The following SOS1 variants were observed in gnomAD, a reference collection of about 807,000 sequenced individuals.
SOS1 encodes the protein SOS Ras/Rac guanine nucleotide exchange factor 1.
In SOS1, 25 loss-of-function variants were observed where a neutral mutation model predicts 157.6. The observed-to-expected ratio is 0.16, with a 90% confidence interval of 0.12 to 0.22. The LOEUF is 0.22. Ranked by LOEUF, SOS1 falls within the 10% of genes least tolerant of loss-of-function variation. The pLI is 1.00. For synonymous variants in SOS1, 528 were observed against 534.0 expected, an observed-to-expected ratio of 0.99 and a Z score of 0.16; for missense variants, 1,237 against 1,599.1, an observed-to-expected ratio of 0.77 and a Z score of 3.86.
intron 8 of SOS1, among the ~76,000 whole-genome samples, chr2:39,027,827 A>AT (rs1335008976): frequency 6.6e-6 from 1 of 150,802 alleles, no homozygotes; most frequent in African/African-American, 2.4e-5. Flanking sequence ...GAATCATATT[A>AT]TTATTTTTTT....
chr2:39,115,033 C>T (rs1029123104), intron 1 of SOS1, among the ~76,000 whole-genome samples: 1 of 152,148 alleles, frequency 6.6e-6, no homozygotes, highest in Non-Finnish European at 1.5e-5. Context: ...ATTTCCCACT[C>T]CCTTCCCCCA....
At position 39,120,619 on chromosome 2, in the gene SOS1, A is replaced by G; in HGVS notation, c.-197T>C. 2.4e-6 allele frequency: 1 copy of G among 415,482 alleles called. No homozygotes were observed. The highest frequency in any genetic ancestry group is 3.2e-6 in the Non-Finnish European group (1 of 311,634). 25.7% of individuals were successfully genotyped at this position (415,482 alleles called of 1,614,324 possible). A position where few individuals can be genotyped will look rare whatever the true frequency, so the allele number is the denominator to read the frequency against. ...GCCCGCGCCTGGCCACCCACCCGAC[A>G]CAGGTACCAGCCGTGGAGAACGGAC... On this transcript the variant is annotated 5_prime_UTR_variant, in exon 1 of 23. Coordinates refer to ENST00000402219, the MANE Select transcript of SOS1 (RefSeq NM_005633.4).
At chr2:39,028,608 T>C (rs1670051827) in intron 8 of SOS1, among the ~76,000 whole-genome samples, 1 of 152,214 alleles carries the variant, frequency 6.6e-6, no homozygotes, top group African/African-American at 2.4e-5. Context: ...TTCAGTCCCG[T>C]GACTTTTCAC....
chr2:38,990,806 T>C (rs1347331746), intron 20 of SOS1, among the ~76,000 whole-genome samples: 2 of 152,194 alleles, frequency 1.3e-5, no homozygotes, highest in Admixed American at 1.3e-4. Flanking sequence ...TTTGGTAAAT[T>C]TGGGGCACTA....
intron 1 of SOS1, among the ~76,000 whole-genome samples, chr2:39,088,445 T>C (rs388958): frequency 0.79 from 120,188 of 151,374 alleles, 50,087 homozygotes; most frequent in Non-Finnish European, 0.92. Flanking sequence ...TTCATCATCT[T>C]GGCCTGGAAC....
chr2:39,043,823 C>G (rs1470798858), intron 6 of SOS1, among the ~76,000 whole-genome samples: 1 of 152,164 alleles, frequency 6.6e-6, no homozygotes, highest in Non-Finnish European at 1.5e-5. Flanking sequence ...TCCACAGGCC[C>G]CACCTCCAAT....
At chr2:38,988,046 A>G (rs1668606281) in intron 21 of SOS1, among the ~76,000 whole-genome samples, 2 of 151,714 alleles carry the variant, frequency 1.3e-5, no homozygotes, top group African/African-American at 2.4e-5. Context: ...GCTCTTAACC[A>G]CTCTCTCCAA....
intron 20 of SOS1, among the ~76,000 whole-genome samples, chr2:38,990,661 G>C (rs1668704491): frequency 6.6e-6 from 1 of 152,082 alleles, no homozygotes; most frequent in Non-Finnish European, 1.5e-5. Flanking sequence ...ACAGGAATAG[G>C]AGTAAAATCA....
At chr2:39,009,267 T>A (rs867387837) in intron 15 of SOS1, among the ~76,000 whole-genome samples, 21 of 151,544 alleles carry the variant, frequency 1.4e-4, no homozygotes, top group East Asian at 1.4e-3. Context: ...AAAAAAAAAA[T>A]ATTAACTTGA....
At chr2:39,095,269 A>G (rs754347625) in intron 1 of SOS1, among the ~76,000 whole-genome samples, 3 of 152,244 alleles carry the variant, frequency 2.0e-5, no homozygotes, top group Non-Finnish European at 2.9e-5. Flanking sequence ...AAAACTGTTT[A>G]TATCTCAGAG....
intron 1 of SOS1, among the ~76,000 whole-genome samples, chr2:39,084,415 G>C (rs1300969973): frequency 6.6e-6 from 1 of 151,808 alleles, no homozygotes; most frequent in Non-Finnish European, 1.5e-5. Flanking sequence ...ATTTATACAC[G>C]AGCAGGACAG....
chr2:39,025,648 C>A (rs1669935644), intron 8 of SOS1, among the ~76,000 whole-genome samples: 1 of 152,156 alleles, frequency 6.6e-6, no homozygotes, highest in Non-Finnish European at 1.5e-5. Context: ...GCGTAAGCCA[C>A]CATGCCTGGC....
chr2:39,095,479 G>A (rs1672739467), intron 1 of SOS1, among the ~76,000 whole-genome samples: 1 of 152,190 alleles, frequency 6.6e-6, no homozygotes, highest in Non-Finnish European at 1.5e-5. Context: ...GTTATCAAGA[G>A]AACTAACAGC....
chr2:39,045,715 T>C (rs886552669), intron 6 of SOS1, among the ~76,000 whole-genome samples: 2 of 152,214 alleles, frequency 1.3e-5, no homozygotes, highest in Non-Finnish European at 2.9e-5. Flanking sequence ...TTTTATTTAT[T>C]ATTCATTTTT....
rs767945114 is a variant in SOS1, at chr2:39,054,671, T to C, written c.663A>G (p.Leu221=). The C allele has an allele frequency of 6.3e-7, 1 of 1,599,008 alleles. No homozygotes were observed. The highest frequency in any genetic ancestry group is 1.3e-5 in the African/African-American group (1 of 74,630). The change falls in exon 5 of 23, where the codon CTA becomes CTG. Residue 221 remains leucine (L), a synonymous_variant. Coordinates refer to ENST00000402219, the MANE Select transcript of SOS1 (RefSeq NM_005633.4). ...EIRQYIRELN[L]IIKVFREPFV... ...AGGGCTCTCTAAAAACTTTTATAAT[T>C]AGATTTAGTTCCCTTATATATTGTC... is the stretch of plus-strand genomic sequence containing the variant.
At chr2:39,011,689 C>T (rs1482763401) in intron 14 of SOS1, among the ~76,000 whole-genome samples, 1 of 152,128 alleles carries the variant, frequency 6.6e-6, no homozygotes, top group African/African-American at 2.4e-5. Flanking sequence ...TGTAAGTTCA[C>T]AATAAAGCAG....
Position 39,051,251 on chromosome 2 carries a change from G to C in SOS1, c.757C>G (p.His253Asp). The change falls in exon 6 of 23, where the codon CAT becomes GAT. Residue 253 changes from histidine to aspartate, a missense_variant. Around this residue, in one of 15 missense-constraint regions of SOS1, gnomAD observed 108 missense variants for 115.3 expected, o/e 0.94. Coordinates refer to ENST00000402219, the MANE Select transcript of SOS1 (RefSeq NM_005633.4). ...ENIFSRIVDI[H>D]ELSVKLLGHI... ...CCCAGTAACTTTACACTAAGTTCAT[G>C]TATATCTACTATGCGACTAAATATA... 1 of 1,611,452 alleles carries C rather than the reference G, an allele frequency of 6.2e-7. No homozygotes were observed. The highest frequency in any genetic ancestry group is 8.5e-7 in the Non-Finnish European group (1 of 1,177,698).
At position 38,981,628 on chromosome 2, in the gene SOS1, T is replaced by C. The variant is rs1411941906; in HGVS notation, c.*4196A>G. ...GCCAGAAAAATAACAGCCGTTATTTTCACTTTAAATGCAAACCAAATACTG... is the reference window on the plus strand; with the variant it reads ...GCCAGAAAAATAACAGCCGTTATTTCCACTTTAAATGCAAACCAAATACTG... On this transcript the variant is annotated 3_prime_UTR_variant, in exon 23 of 23. Transcript: ENST00000402219. 1 of 152,150 alleles carries C rather than the reference T, an allele frequency of 6.6e-6. No homozygotes were observed. Among genetic ancestry groups the C allele is most frequent in the Non-Finnish European group, 1.5e-5 (1 of 68,018 alleles). The allele number at this position is 152,150 out of a possible 1,614,324, so 9.4% of individuals were successfully genotyped here. A position where few individuals can be genotyped will look rare whatever the true frequency, so the allele number is the denominator to read the frequency against.
chr2:39,030,772 T>C (rs138781372), intron 8 of SOS1, among the ~76,000 whole-genome samples: 17 of 152,220 alleles, frequency 1.1e-4, no homozygotes, highest in Non-Finnish European at 2.4e-4. Flanking sequence ...TCTTTGGAAA[T>C]AGGATCTTGG....
Sources: allele counts gnomAD v4.1 joint callset (sites outside exome capture counted in the v4.1 genomes callset), GRCh38; gene constraint gnomAD v4.1.1; regional missense constraint gnomAD v4.1.1; transcripts MANE v1.5; gene names NCBI Gene and HGNC (gene_info 2026-07-23, HGNC 2026-07-21).